DENND2B: variants seen among roughly 807,000 people sequenced by gnomAD.
DENND2B encodes the protein DENN domain-containing protein 2B.
A neutral mutation model predicts 116.0 loss-of-function variants in DENND2B; 32 were observed. That is an observed-to-expected ratio of 0.28 (90% CI 0.21 to 0.37). DENND2B has a LOEUF of 0.37. Ranked by LOEUF, DENND2B falls within the 10% of genes least tolerant of loss-of-function variation. The pLI, the probability that DENND2B is intolerant of heterozygous loss-of-function variation, is 1.00. For missense variants in DENND2B, 1,276 were observed against 1,477.7 expected (o/e 0.86, Z 2.24); for synonymous variants, 588 against 583.9 (o/e 1.01, Z -0.10).
chr11:8,723,174 G>A (rs969861408), intron 4 of DENND2B, among the ~76,000 whole-genome samples: 3 of 152,152 alleles, frequency 2.0e-5, no homozygotes, highest in African/African-American at 7.2e-5. Flanking sequence ...AGCACCCAGT[G>A]TGGCTGCTGC....
chr11:8,849,137 A>C (rs564065115), intron 3 of DENND2B, among the ~76,000 whole-genome samples: 22 of 152,276 alleles, frequency 1.4e-4, no homozygotes, highest in Admixed American at 5.9e-4. Context: ...CCATTCTGCA[A>C]ATATTCACTG....
At chr11:8,745,581 A>G (rs747819375) in intron 2 of DENND2B, among the ~76,000 whole-genome samples, 68 of 152,234 alleles carry the variant, frequency 4.5e-4, no homozygotes, top group Non-Finnish European at 1.6e-4. Flanking sequence ...GATTCCTCTC[A>G]GCAGGTGGTG....
rs144132118 is a variant in DENND2B, at chr11:8,900,827, G to A, written c.-256+9994C>T. Among the ~76,000 whole-genome samples the A allele has an allele frequency of 2.3e-4, 35 of 152,036 alleles. 1 individual carries two copies. The East Asian group carries it at 4.7e-3, about 20-fold the overall frequency. On this transcript the variant is annotated intron_variant, in intron 1 of 22. Coordinates refer to the DENND2B transcript ENST00000534127. Reference sequence around the variant, plus strand: ...ACTAAAAATACAAAAAAATTAGCCAGGCATAGTGGTGGGCACCTGTAACCC... The same window carrying A: ...ACTAAAAATACAAAAAAATTAGCCAAGCATAGTGGTGGGCACCTGTAACCC...
At chr11:8,729,840 GCTTAC>G in intron 3 of DENND2B, 105 bp downstream of exon 3, 5 of 1,394,978 alleles carry the variant, frequency 3.6e-6, no homozygotes, top group Non-Finnish European at 4.9e-6. Flanking sequence ...GCACTTCAGA[GCTTAC>G]GAAGCACTAA....
chr11:8,896,793 G>C lies in DENND2B; in HGVS notation c.-256+14028C>G, dbSNP rs1465921918. Among the ~76,000 whole-genome samples, 4 of 152,326 alleles carry C rather than the reference G, an allele frequency of 2.6e-5. No individual in the cohort carries two copies. The East Asian group carries it at 7.7e-4, about 29-fold the overall frequency. On this transcript the variant is annotated intron_variant, in intron 1 of 22. Coordinates refer to the DENND2B transcript ENST00000534127. ...GAGTGTTCTGAACATGTTTAAGGTA[G>C]GCTATGCTAAGATACGATGTTTTCA...
chr11:8,766,629 GA>G, intron 1 of DENND2B: 2 of 1,289,242 alleles, frequency 1.6e-6, no homozygotes, highest in Non-Finnish European at 2.0e-6. Flanking sequence ...AGATCTGCAC[GA>G]AAATACCTTC....
At chr11:8,880,280 GA>G (rs2063888337) in intron 2 of DENND2B, among the ~76,000 whole-genome samples, 1 of 151,348 alleles carries the variant, frequency 6.6e-6, no homozygotes, top group Non-Finnish European at 1.5e-5. Context: ...AAGACTTGAA[GA>G]GCCAAAATAT....
At chr11:8,882,780 C>A (rs1019924644) in intron 1 of DENND2B, among the ~76,000 whole-genome samples, 2 of 151,910 alleles carry the variant, frequency 1.3e-5, no homozygotes, top group Non-Finnish European at 2.9e-5. Flanking sequence ...TTGAGCCCAG[C>A]AGTTGGAGAT....
At chr11:8,789,134 G>T (rs2134315874) in intron 1 of DENND2B, among the ~76,000 whole-genome samples, 1 of 152,272 alleles carries the variant, frequency 6.6e-6, no homozygotes, top group Non-Finnish European at 1.5e-5. Context: ...TGGAGGAAAT[G>T]GTATGATGCC....
intron 1 of DENND2B, among the ~76,000 whole-genome samples, chr11:8,910,275 C>G (rs2064300556): frequency 6.6e-6 from 1 of 151,660 alleles, no homozygotes; most frequent in Admixed American, 6.6e-5. Flanking sequence ...CTGTTCCCTT[C>G]TCCAAAGGCC....
intron 1 of DENND2B, among the ~76,000 whole-genome samples, chr11:8,797,698 C>T (rs1033026295): frequency 1.3e-5 from 2 of 152,130 alleles, no homozygotes; most frequent in East Asian, 3.9e-4. Flanking sequence ...GATCCTCCCG[C>T]TTCAGCCTCC....
chr11:8,744,786 G>A (rs1305312727), intron 2 of DENND2B, among the ~76,000 whole-genome samples: 1 of 152,110 alleles, frequency 6.6e-6, no homozygotes. Context: ...CCCTAAGCCT[G>A]TCCCACCAGT....
intron 2 of DENND2B, among the ~76,000 whole-genome samples, chr11:8,877,993 T>C (rs149262619): frequency 1.3e-5 from 2 of 152,334 alleles, no homozygotes; most frequent in African/African-American, 2.4e-5. Context: ...TTTGCAGAAC[T>C]AGTAGAGATT....
At chr11:8,855,290 G>C (rs1465280278) in intron 3 of DENND2B, among the ~76,000 whole-genome samples, 1 of 151,786 alleles carries the variant, frequency 6.6e-6, no homozygotes, top group Non-Finnish European at 1.5e-5. Flanking sequence ...AAGCAAGGAG[G>C]GGAAGACTAT....
At chr11:8,881,001 G>C (rs1361575856) in intron 2 of DENND2B, 3 of 151,992 alleles carry the variant, frequency 2.0e-5, no homozygotes, top group Non-Finnish European at 4.4e-5. Context: ...TTTGAAGAAC[G>C]ACCCTTACCC....
chr11:8,777,541 C>CATATGTGACATGTA (rs2057876599), intron 1 of DENND2B, among the ~76,000 whole-genome samples: 1 of 152,138 alleles, frequency 6.6e-6, no homozygotes, highest in East Asian at 1.9e-4. Flanking sequence ...TCCAAGAAAG[C>CATATGTGACATGTA]AGTAAGATGG....
At chr11:8,899,852 A>G (rs1229365818) in intron 1 of DENND2B, among the ~76,000 whole-genome samples, 4 of 152,258 alleles carry the variant, frequency 2.6e-5, no homozygotes, top group South Asian at 2.1e-4. Flanking sequence ...TTTAAAAGCC[A>G]TAAGAGCATA....
At chr11:8,863,533 T>C (rs1206760072) in intron 2 of DENND2B, among the ~76,000 whole-genome samples, 1 of 152,064 alleles carries the variant, frequency 6.6e-6, no homozygotes, top group East Asian at 1.9e-4. Flanking sequence ...GCGCCCGGCC[T>C]GCCTCTTACG....
intron 14 of DENND2B, chr11:8,699,816 C>T (rs1312317985): frequency 4.4e-6 from 2 of 457,230 alleles, no homozygotes; most frequent in African/African-American, 4.0e-5. Context: ...TTGTGGAAAA[C>T]CTAAAACATC....
Sources: allele counts gnomAD v4.1 joint callset (sites outside exome capture counted in the v4.1 genomes callset), GRCh38; gene constraint gnomAD v4.1.1; transcripts MANE v1.5; gene names NCBI Gene and HGNC (gene_info 2026-07-23, HGNC 2026-07-21).